SLC9C2: variants seen among roughly 807,000 people sequenced by gnomAD.
The protein encoded by SLC9C2 is sodium/hydrogen exchanger 11.
A neutral mutation model predicts 140.2 loss-of-function variants in SLC9C2; 75 were observed. That is an observed-to-expected ratio of 0.53 (90% CI 0.44 to 0.65). The LOEUF (loss-of-function observed/expected upper bound fraction) is 0.65, where lower values mean the gene tolerates loss of function less well. Ranked by LOEUF, SLC9C2 falls within the 30% of genes least tolerant of loss-of-function variation. The pLI, the probability that SLC9C2 is intolerant of heterozygous loss-of-function variation, is 0.00. For missense variants in SLC9C2, 1,074 were observed against 1,331.8 expected (o/e 0.81, Z 3.01); for synonymous variants, 375 against 420.9 (o/e 0.89, Z 1.34).
chr1:173,575,313 C>G (rs1262776118), intron 8 of SLC9C2, among the ~76,000 whole-genome samples: 1 of 152,006 alleles, frequency 6.6e-6, no homozygotes, highest in Non-Finnish European at 1.5e-5. Context: ...ACATCCAGAC[C>G]ACACCAGACA....
intron 11 of SLC9C2, 81 bp from the exon 12 acceptor site, chr1:173,548,633 G>T: frequency 6.7e-7 from 1 of 1,498,446 alleles, no homozygotes; most frequent in Non-Finnish European, 9.2e-7. Flanking sequence ...GCATGATCAT[G>T]TAGTGAAATC....
intron 4 of SLC9C2, among the ~76,000 whole-genome samples, chr1:173,597,313 A>G (rs1488093045): frequency 1.3e-5 from 2 of 152,110 alleles, no homozygotes; most frequent in Admixed American, 1.3e-4. Context: ...GATGGTGATG[A>G]GTACACTAAA....
chr1:173,576,268 G>A (rs1254525258), intron 8 of SLC9C2, among the ~76,000 whole-genome samples: 1 of 152,160 alleles, frequency 6.6e-6, no homozygotes, highest in Non-Finnish European at 1.5e-5. Flanking sequence ...GGGTAGGTAA[G>A]AGTTTTATTG....
intron 4 of SLC9C2, among the ~76,000 whole-genome samples, chr1:173,591,047 T>C (rs893283789): frequency 6.6e-6 from 1 of 152,118 alleles, no homozygotes; most frequent in Admixed American, 6.5e-5. Flanking sequence ...AACCCTCAAG[T>C]AGGCCCCAGT....
rs1160320498 is a variant in SLC9C2, at chr1:173,590,898, TA to T, written c.358-3069del. ...GAATTTTTCATTTAATATTTTCTTT[TA>T]AAAAAATACTTTTATTTTAGGTTCT... On this transcript the variant is annotated intron_variant, in intron 4 of 27. Transcript: ENST00000367714. 4.6e-5 allele frequency among the ~76,000 whole-genome samples: 7 copies of T among 152,318 alleles called. No individual in the cohort carries two copies. In the South Asian group the frequency reaches 6.2e-4, roughly 14 times the overall value.
rs1040291566 is a variant in SLC9C2, at chr1:173,587,647, G to A, written c.523+18C>T. On this transcript the variant is annotated intron_variant, in intron 5 of 27. Coordinates refer to ENST00000367714, the MANE Select transcript of SLC9C2 (RefSeq NM_178527.4). ...CCTTATATTTTCAAGATAAGAGAGA[G>A]AAATAAATGTGACATACCAATAGTT... 1.9e-6 allele frequency: 3 copies of A among 1,592,878 alleles called. No homozygotes were observed. The highest frequency in any genetic ancestry group is 2.7e-5 in the African/African-American group (2 of 74,052).
chr1:173,506,813 CA>C (rs2101891251), intron 25 of SLC9C2, 42 bp downstream of exon 25: 2 of 1,514,670 alleles, frequency 1.3e-6, no homozygotes, highest in Non-Finnish European at 1.8e-6. Flanking sequence ...ACTTTTGGAG[CA>C]CCGTGAAGAG....
intron 7 of SLC9C2, 61 bp from the exon 8 acceptor site, chr1:173,576,821 C>T: frequency 1.0e-5 from 10 of 983,738 alleles, no homozygotes; most frequent in South Asian, 3.1e-5. Flanking sequence ...CACACTGAGA[C>T]ACTTTATCTT....
At chr1:173,555,896 C>T (rs1209963670) in intron 10 of SLC9C2, among the ~76,000 whole-genome samples, 2 of 152,180 alleles carry the variant, frequency 1.3e-5, no homozygotes, top group African/African-American at 4.8e-5. Context: ...AAGGCTACTA[C>T]TCTCTTTGAT....
intron 11 of SLC9C2, among the ~76,000 whole-genome samples, chr1:173,550,147 A>T (rs1663153953): frequency 6.6e-6 from 1 of 152,140 alleles, no homozygotes; most frequent in Non-Finnish European, 1.5e-5. Context: ...CACAACTATA[A>T]TCTCGACACT....
chr1:173,557,458 T>C lies in SLC9C2; in HGVS notation c.1097A>G (p.Glu366Gly). Residue 366 changes from glutamate (E) to glycine (G), a missense_variant, in exon 10 of 28, where the codon GAA becomes GGA. Physicochemically the swap from Glu to Gly is moderately conservative, Grantham distance 98. Coordinates refer to ENST00000367714, the MANE Select transcript of SLC9C2 (RefSeq NM_178527.4). ...TACAACTCCCCATCGCCAATTATAT[T>C]CATAATTTGAATGCATCAAAATAGG... ...VSPILMHSNY[E>G]YNWRWGVVIT... 6.2e-7 allele frequency: 1 copy of C among 1,613,590 alleles called. No homozygotes were observed. Among genetic ancestry groups the C allele is most frequent in the Non-Finnish European group, 8.5e-7 (1 of 1,179,576 alleles).
At chr1:173,600,038 G>A (rs1301130223) in intron 3 of SLC9C2, 79 bp downstream of exon 3, 1 of 850,602 alleles carries the variant, frequency 1.2e-6, no homozygotes, top group Non-Finnish European at 1.8e-6. Flanking sequence ...AACATTCCAT[G>A]CATTCAGGGA....
chr1:173,582,566 T>C (rs1665611278), intron 6 of SLC9C2, among the ~76,000 whole-genome samples: 2 of 152,202 alleles, frequency 1.3e-5, no homozygotes, highest in African/African-American at 4.8e-5. Flanking sequence ...AGCTCCCTCA[T>C]TGAGAAGCAC....
rs1255877879 is a variant in SLC9C2, at chr1:173,532,941, C to G, written c.2163+668G>C. ...ATCTCTACCTCACAGAGAGTACATA[C>G]AATATACAGTAAATTGCTGATAAGT... On this transcript the variant is annotated intron_variant, in intron 17 of 27. Transcript: ENST00000367714. Among the ~76,000 whole-genome samples the G allele has an allele frequency of 3.0e-4, 45 of 152,022 alleles. 1 individual carries two copies.
intron 11 of SLC9C2, among the ~76,000 whole-genome samples, chr1:173,550,858 T>C (rs1036499476): frequency 7.2e-5 from 8 of 111,462 alleles, no homozygotes; most frequent in Non-Finnish European, 1.2e-4. Flanking sequence ...CTGGGCAAGA[T>C]AGTGAGCCGT....
intron 9 of SLC9C2, among the ~76,000 whole-genome samples, chr1:173,562,272 C>A (rs1258405179): frequency 6.6e-6 from 1 of 152,050 alleles, no homozygotes; most frequent in Non-Finnish European, 1.5e-5. Context: ...AATTTTGTAC[C>A]TCATCAAAGC....
At chr1:173,503,857 C>G (rs957785593) in intron 26 of SLC9C2, among the ~76,000 whole-genome samples, 3 of 152,184 alleles carry the variant, frequency 2.0e-5, no homozygotes, top group African/African-American at 7.2e-5. Context: ...TGACTTTTGT[C>G]TGAAACCCAT....
intron 11 of SLC9C2, among the ~76,000 whole-genome samples, chr1:173,549,411 A>C (rs1197573989): frequency 6.6e-6 from 1 of 152,192 alleles, no homozygotes; most frequent in Non-Finnish European, 1.5e-5. Context: ...CTTGGATTTA[A>C]AATTCCCATG....
intron 16 of SLC9C2, 24 bp from the exon 17 acceptor site, chr1:173,533,821 T>C: frequency 1.3e-6 from 2 of 1,585,040 alleles, no homozygotes; most frequent in East Asian, 2.3e-5. Context: ...AAATGTCATT[T>C]CATAGCACCT....
Sources: allele counts gnomAD v4.1 joint callset (sites outside exome capture counted in the v4.1 genomes callset), GRCh38; gene constraint gnomAD v4.1.1; transcripts MANE v1.5; gene names NCBI Gene and HGNC (gene_info 2026-07-23, HGNC 2026-07-21).